ACTR10: variants seen among roughly 807,000 people sequenced by gnomAD.
ACTR10 encodes the protein actin related protein 10, also known as actin-related protein 10.
A neutral mutation model predicts 56.2 loss-of-function variants in ACTR10; 43 were observed. The ratio of observed to expected loss-of-function variants is 0.77; its 90% confidence interval spans 0.60 to 0.99. The LOEUF (loss-of-function observed/expected upper bound fraction) is 0.99, where lower values mean the gene tolerates loss of function less well. ACTR10 is among the 50% of genes least tolerant of loss of function. ACTR10 has a pLI of 0.00. For missense variants in ACTR10, 466 were observed against 507.8 expected (o/e 0.92, Z 0.79); for synonymous variants, 170 against 176.3 (o/e 0.96, Z 0.28).
chr14:58,204,704 T>A (rs1594802955), intron 2 of ACTR10, among the ~76,000 whole-genome samples: 2 of 152,226 alleles, frequency 1.3e-5, no homozygotes, highest in African/African-American at 4.8e-5. Context: ...GGATCCACTC[T>A]GAGGCACGAA....
chr14:58,214,279 A>G (rs939133718), intron 6 of ACTR10, among the ~76,000 whole-genome samples: 1 of 152,150 alleles, frequency 6.6e-6, no homozygotes, highest in Non-Finnish European at 1.5e-5. Context: ...TGGTCTTTCT[A>G]TGCATGGCTT....
At chr14:58,232,561 G>A (rs931325131) in intron 12 of ACTR10, among the ~76,000 whole-genome samples, 7 of 151,624 alleles carry the variant, frequency 4.6e-5, no homozygotes, top group African/African-American at 7.3e-5. Flanking sequence ...GACTGCAGGC[G>A]TGCACCACCA....
chr14:58,207,749 A>G lies in ACTR10; in HGVS notation c.151-187A>G, dbSNP rs536554302. Among the ~76,000 whole-genome samples, 3 of 152,354 alleles carry G rather than the reference A, an allele frequency of 2.0e-5. No homozygotes were observed. In the East Asian group the frequency reaches 5.8e-4, roughly 29 times the overall value. On this transcript the variant is annotated intron_variant, in intron 2 of 12. Transcript: ENST00000254286. ...TTACCACAGACTAAAACATTCTGCC[A>G]TCTTAGACATTCCGATTCTTAAGGA... is the stretch of plus-strand genomic sequence containing the variant.
At chr14:58,213,476 A>T in intron 5 of ACTR10, 155 bp from the exon 6 acceptor site, 1 of 474,352 alleles carries the variant, frequency 2.1e-6, no homozygotes, top group Admixed American at 3.9e-5. Context: ...CATGAAAAAA[A>T]ACTTACTCTT....
intron 6 of ACTR10, among the ~76,000 whole-genome samples, chr14:58,214,404 T>TTTTTTTTTTTAC (rs1255567535): frequency 6.8e-6 from 1 of 146,360 alleles, no homozygotes; most frequent in Admixed American, 6.8e-5. Flanking sequence ...CATTTTTTTC[T>TTTTTTTTTTTAC]TTTTTTTTTT....
chr14:58,205,516 C>T (rs1033910676), intron 2 of ACTR10, among the ~76,000 whole-genome samples: 1 of 151,756 alleles, frequency 6.6e-6, no homozygotes, highest in Non-Finnish European at 1.5e-5. Flanking sequence ...GGGGTTTCAC[C>T]GTGTTAGCCA....
At chr14:58,205,504 A>G (rs1888836330) in intron 2 of ACTR10, among the ~76,000 whole-genome samples, 1 of 151,568 alleles carries the variant, frequency 6.6e-6, no homozygotes, top group African/African-American at 2.4e-5. Context: ...TTTAGTAGAG[A>G]CGGGGTTTCA....
At chr14:58,213,516 GA>G (rs1352617461) in intron 5 of ACTR10, 114 bp from the exon 6 acceptor site, 1 of 516,074 alleles carries the variant, frequency 1.9e-6, no homozygotes, top group African/African-American at 2.0e-5. Flanking sequence ...TTAAAAATAA[GA>G]AATAAAAATT....
chr14:58,223,438 A>C, intron 8 of ACTR10, 184 bp from the exon 9 acceptor site: 1 of 607,324 alleles, frequency 1.6e-6, no homozygotes, highest in Non-Finnish European at 2.8e-6. Flanking sequence ...GCACCTGGCC[A>C]AAACAGGTTT....
At chr14:58,227,802 A>G (rs1889437200) in intron 10 of ACTR10, among the ~76,000 whole-genome samples, 1 of 152,238 alleles carries the variant, frequency 6.6e-6, no homozygotes, top group Non-Finnish European at 1.5e-5. Context: ...GTTATGCATA[A>G]TATCCCAATT....
intron 2 of ACTR10, among the ~76,000 whole-genome samples, chr14:58,205,338 G>A (rs547418086): frequency 2.3e-4 from 33 of 141,462 alleles, no homozygotes; most frequent in Middle Eastern, 3.8e-3. Context: ...TTTTTGAGGC[G>A]GAGTCTTGCT....
At chr14:58,222,672 T>C (rs1889300541) in intron 8 of ACTR10, among the ~76,000 whole-genome samples, 1 of 147,930 alleles carries the variant, frequency 6.8e-6, no homozygotes, top group Non-Finnish European at 1.5e-5. Flanking sequence ...GGCTGAGGTA[T>C]GAGAATCGCA....
At chr14:58,210,638 A>G (rs747878662) in intron 4 of ACTR10, among the ~76,000 whole-genome samples, 14 of 151,116 alleles carry the variant, frequency 9.3e-5, no homozygotes, top group Non-Finnish European at 1.6e-4. Flanking sequence ...TAAATTTAAC[A>G]TCTTCCTCTA....
At chr14:58,219,546 A>C (rs1889216438) in intron 7 of ACTR10, 148 bp from the exon 8 acceptor site, 1 of 489,246 alleles carries the variant, frequency 2.0e-6, no homozygotes, top group East Asian at 3.7e-5. Context: ...AAACAAAATT[A>C]AATTTTTCTG....
rs754722393 is a variant in ACTR10 at position 58,211,338 on chromosome 14, C to T, written c.389C>T (p.Thr130Met). ...CCAAGTCATCTAATGGCTCTTCTGACGCTTGGAATTAATTCTGCCATGGTC... is the reference window on the plus strand; with the variant it reads ...CCAAGTCATCTAATGGCTCTTCTGATGCTTGGAATTAATTCTGCCATGGTC... ...LAPSHLMALL[T>M]LGINSAMVLD... The change falls in exon 5 of 13, where the codon ACG (threonine) becomes ATG (methionine). Residue 130 changes from threonine (T) to methionine (M), a missense_variant. By Grantham distance (81) the Thr-to-Met change is moderately conservative. Coordinates refer to ENST00000254286, the MANE Select transcript of ACTR10 (RefSeq NM_018477.3). 2.7e-5 allele frequency: 43 copies of T among 1,613,630 alleles called. No individual in the cohort carries two copies. Among genetic ancestry groups the T allele is most frequent in the Non-Finnish European group, 3.1e-5 (36 of 1,179,822 alleles).
At chr14:58,208,066 T>C (rs1446510040) in intron 3 of ACTR10, 48 bp downstream of exon 3, 1 of 1,442,480 alleles carries the variant, frequency 6.9e-7, no homozygotes, top group South Asian at 1.4e-5. Flanking sequence ...TAGATTTTCC[T>C]AATGCCATAG....
At chr14:58,219,959 A>G (rs1889224855) in intron 8 of ACTR10, among the ~76,000 whole-genome samples, 1 of 152,208 alleles carries the variant, frequency 6.6e-6, no homozygotes, top group Non-Finnish European at 1.5e-5. Context: ...AATTGTATAC[A>G]GAGTATACAG....
intron 2 of ACTR10, among the ~76,000 whole-genome samples, chr14:58,203,302 C>CAAAAAAAAA (rs11384472): frequency 1.9e-5 from 2 of 105,418 alleles, no homozygotes; most frequent in Non-Finnish European, 1.8e-5. Flanking sequence ...GACTTCGTCT[C>CAAAAAAAAA]AAAAAAAAAA....
rs775739906 is a variant in ACTR10, at chr14:58,200,210, T to C, written c.-8T>C. 87 of 1,530,426 alleles carry C rather than the reference T, an allele frequency of 5.7e-5. No homozygotes were observed. The highest frequency in any genetic ancestry group is 7.1e-5 in the Non-Finnish European group (81 of 1,139,098). The allele number at this position is 1,530,426 out of a possible 1,614,324, so 94.8% of individuals were successfully genotyped here. A position where few individuals can be genotyped will look rare whatever the true frequency, so the allele number is the denominator to read the frequency against. ...TGCGACCCTCTTCTCTCAGTCTGCC[T>C]TACTACCATGCCGCTCTACGAGGGC... On this transcript the variant is annotated 5_prime_UTR_variant, in exon 1 of 13. Transcript: ENST00000254286.
Sources: gnomAD v4.1 joint callset for allele counts (sites outside exome capture counted in the v4.1 genomes callset) on GRCh38, gnomAD v4.1.1 for gene constraint, MANE v1.5 for transcripts, NCBI Gene and HGNC (gene_info 2026-07-23, HGNC 2026-07-21) for gene names.